Variants in DRG2 observed in about 807,000 individuals in gnomAD.
The protein encoded by DRG2 is developmentally-regulated GTP-binding protein 2.
A neutral mutation model predicts 53.4 loss-of-function variants in DRG2; 36 were observed. The ratio of observed to expected loss-of-function variants is 0.67; its 90% CI spans 0.52 to 0.89. The LOEUF (loss-of-function observed/expected upper bound fraction) is 0.89, where lower values mean the gene tolerates loss of function less well. Ranked by LOEUF, DRG2 falls within the 40% of genes least tolerant of loss-of-function variation. DRG2 has a pLI of 0.00. For missense variants in DRG2, 342 were observed against 481.2 expected (o/e 0.71, Z 2.71); for synonymous variants, 167 against 192.1 (o/e 0.87, Z 1.08).
intron 1 of DRG2, among the ~76,000 whole-genome samples, chr17:18,091,290 A>G (rs535932411): frequency 4.6e-5 from 7 of 152,284 alleles, no homozygotes; most frequent in South Asian, 2.1e-4. Flanking sequence ...ACCATCAAAA[A>G]TCTGCTGAAG....
intron 12 of DRG2, 149 bp downstream of exon 12, chr17:18,106,635 T>A: frequency 1.2e-6 from 1 of 856,380 alleles, no homozygotes; most frequent in Non-Finnish European, 1.9e-6. Flanking sequence ...CCATAGAATG[T>A]ACATGCCAAC....
chr17:18,107,291 G>T lies in DRG2; in HGVS notation c.*51G>T, dbSNP rs1296362097. The T allele has an allele frequency of 1.3e-6, 2 of 1,562,692 alleles. No individual in the cohort carries two copies. Among genetic ancestry groups the T allele is most frequent in the African/African-American group, 2.7e-5 (2 of 73,892 alleles). ...CCTGCCTCGTCTCCCTGGGGAGGTG[G>T]TCCCACTGGGACACACAAACACCCA... is the stretch of plus-strand genomic sequence containing the variant. On this transcript the variant is annotated 3_prime_UTR_variant, in exon 13 of 13. Coordinates refer to ENST00000225729, the MANE Select transcript of DRG2 (RefSeq NM_001388.5).
Position 18,101,608 on chromosome 17 carries a change from G to C in DRG2, c.729+18G>C. Reference sequence around the variant, plus strand: ...GCCTGTATGTAAGTGCAGGAGGGGAGCCCTGGCCTGGCCACTCGGCCTTTC... The same window carrying C: ...GCCTGTATGTAAGTGCAGGAGGGGACCCCTGGCCTGGCCACTCGGCCTTTC... On this transcript the variant is annotated intron_variant, in intron 8 of 12. Coordinates refer to ENST00000225729, the MANE Select transcript of DRG2 (RefSeq NM_001388.5). 1.2e-6 allele frequency: 2 copies of C among 1,611,344 alleles called. No homozygotes were observed. Among genetic ancestry groups the C allele is most frequent in the Non-Finnish European group, 1.7e-6 (2 of 1,178,018 alleles).
chr17:18,091,492 A>C (rs756565088), intron 1 of DRG2, among the ~76,000 whole-genome samples: 3 of 152,128 alleles, frequency 2.0e-5, no homozygotes, highest in Non-Finnish European at 2.9e-5. Flanking sequence ...AGGCGGAGGC[A>C]GGAGAATCTC....
At chr17:18,102,078 G>C in intron 9 of DRG2, 81 bp downstream of exon 9, 3 of 1,456,216 alleles carry the variant, frequency 2.1e-6, no homozygotes, top group Non-Finnish European at 2.8e-6. Context: ...AGCCACTTTG[G>C]CTGTGGAGGA....
In DRG2 at chr17:18,100,129, A is replaced by T; in HGVS notation, c.468-234A>T. 1.7e-6 allele frequency: 1 copy of T among 598,876 alleles called. No individual in the cohort carries two copies. Among genetic ancestry groups the T allele is most frequent in the Non-Finnish European group, 3.0e-6 (1 of 337,262 alleles). 37.1% of individuals were successfully genotyped at this position (598,876 alleles called of 1,614,324 possible). A position where few individuals can be genotyped will look rare whatever the true frequency, so the allele number is the denominator to read the frequency against. ...GTGGTCACCTCGCGGGGGCTCCACC[A>T]CTTGCCTGTGCATGCCGACCGTAAA... is the stretch of plus-strand genomic sequence containing the variant. On this transcript the variant is annotated intron_variant, in intron 5 of 12. Transcript: ENST00000225729. The surrounding 1 kb of genome is among the most constrained non-coding windows in gnomAD (Gnocchi z 4.1).
Position 18,107,420 on chromosome 17 carries a change from G to C in DRG2, c.*180G>C, listed in dbSNP as rs947062760. On this transcript the variant is annotated 3_prime_UTR_variant, in exon 13 of 13. Transcript: ENST00000225729. ...CAGACGAAGAGTGTGTTGGGGCAAAGGGGCTCGGTTGGAGGCATTTCCCAT... is the reference window on the plus strand; with the variant it reads ...CAGACGAAGAGTGTGTTGGGGCAAACGGGCTCGGTTGGAGGCATTTCCCAT... The C allele has an allele frequency of 6.2e-6, 4 of 644,760 alleles. No homozygotes were observed. The East Asian group carries it at 1.1e-4, about 18-fold the overall frequency. The allele number at this position is 644,760 out of a possible 1,614,324, so 39.9% of individuals were successfully genotyped here.
Position 18,099,659 on chromosome 17 carries a change from G to T in DRG2, c.403G>T (p.Ala135Ser), listed in dbSNP as rs144963179. 1.5e-4 allele frequency: 234 copies of T among 1,607,140 alleles called. No individual in the cohort carries two copies. Among genetic ancestry groups the T allele is most frequent in the Non-Finnish European group, 1.8e-4 (209 of 1,177,720 alleles). Residue 135 changes from alanine (A) to serine (S), a missense_variant, in exon 5 of 13, where the codon GCT (alanine) becomes TCT (serine). Coordinates refer to ENST00000225729, the MANE Select transcript of DRG2 (RefSeq NM_001388.5). The surrounding 1 kb of genome is among the most constrained non-coding windows in gnomAD (Gnocchi z 4.4). ...QGKGRGRQVI[A>S]VARTADVIIM... Reference sequence around the variant, plus strand: ...AAAAGGCCGTGGCCGGCAGGTGATCGCTGTGGCGCGCACGGCTGACGTCAT... The same window carrying T: ...AAAAGGCCGTGGCCGGCAGGTGATCTCTGTGGCGCGCACGGCTGACGTCAT...
chr17:18,101,125 C>A (rs1208422553), intron 7 of DRG2, among the ~76,000 whole-genome samples: 1 of 152,118 alleles, frequency 6.6e-6, no homozygotes, highest in African/African-American at 2.4e-5. Flanking sequence ...GGTGTGCAAG[C>A]AGAGGCAGGA....
intron 1 of DRG2, among the ~76,000 whole-genome samples, 184 bp from the exon 2 acceptor site, chr17:18,093,629 A>AT (rs1276225701): frequency 6.6e-6 from 1 of 151,868 alleles, no homozygotes; most frequent in Non-Finnish European, 1.5e-5. Flanking sequence ...AAGAGACTGG[A>AT]TTTTATCTTA....
In DRG2 at chr17:18,098,513, G is replaced by A. The variant is rs1299260486; in HGVS notation, c.315+154G>A. On this transcript the variant is annotated intron_variant, in intron 3 of 12. Transcript: ENST00000225729. The surrounding 1 kb of genome is among the most constrained non-coding windows in gnomAD (Gnocchi z 4.1). Reference sequence around the variant, plus strand: ...TTTGCCCTCCAGCACTGACACTTCTGGGGATCCTAGCTGCTGGACCCCAGA... The same window carrying A: ...TTTGCCCTCCAGCACTGACACTTCTAGGGATCCTAGCTGCTGGACCCCAGA... 1.5e-6 allele frequency: 1 copy of A among 647,994 alleles called. No individual in the cohort carries two copies. The highest frequency in any genetic ancestry group is 1.8e-5 in the African/African-American group (1 of 55,186). The allele number at this position is 647,994 out of a possible 1,614,324, so 40.1% of individuals were successfully genotyped here.
intron 8 of DRG2, 152 bp downstream of exon 8, chr17:18,101,742 A>G (rs1441993490): frequency 9.2e-7 from 1 of 1,083,296 alleles, no homozygotes; most frequent in Non-Finnish European, 1.3e-6. Flanking sequence ...TCTTGCAGAC[A>G]TAGAGAGCTT....
intron 8 of DRG2, 26 bp from the exon 9 acceptor site, chr17:18,101,895 A>G: frequency 1.2e-6 from 2 of 1,600,992 alleles, no homozygotes; most frequent in Non-Finnish European, 1.7e-6. Context: ...TGTCCTCAGC[A>G]CCGGCCTCCA....
intron 12 of DRG2, among the ~76,000 whole-genome samples, 198 bp downstream of exon 12, chr17:18,106,684 C>T (rs892268606): frequency 1.6e-4 from 19 of 121,934 alleles, no homozygotes; most frequent in East Asian, 4.9e-4. Flanking sequence ...TTTTTTTTTT[C>T]TGGTTTTTTT....
At chr17:18,094,568 C>A (rs528078613) in intron 2 of DRG2, among the ~76,000 whole-genome samples, 1 of 152,216 alleles carries the variant, frequency 6.6e-6, no homozygotes, top group East Asian at 1.9e-4. Context: ...TCCAGGGAGG[C>A]CCAGGTGGCT....
chr17:18,098,873 A>G lies in DRG2; in HGVS notation c.316-144A>G, dbSNP rs1301442610. 18 of 853,870 alleles carry G rather than the reference A, an allele frequency of 2.1e-5. No individual in the cohort carries two copies. The highest frequency in any genetic ancestry group is 2.9e-5 in the Non-Finnish European group (16 of 549,746). The allele number at this position is 853,870 out of a possible 1,614,324, so 52.9% of individuals were successfully genotyped here. On this transcript the variant is annotated intron_variant, in intron 3 of 12. Coordinates refer to ENST00000225729, the MANE Select transcript of DRG2 (RefSeq NM_001388.5). The surrounding 1 kb of genome is among the most constrained non-coding windows in gnomAD (Gnocchi z 4.1). ...GTCTGCACTGGGCTGGGGTGGTGAC[A>G]AGGCTCAGACTTGGCCACAGGTTGG...
At chr17:18,095,852 TA>T (rs1298217515) in intron 2 of DRG2, 1 of 152,282 alleles carries the variant, frequency 6.6e-6, no homozygotes, top group African/African-American at 2.4e-5. Flanking sequence ...AGTCTGGCTT[TA>T]TGCAGATTTC....
intron 1 of DRG2, 116 bp from the exon 2 acceptor site, chr17:18,093,697 G>A (rs1458240696): frequency 8.4e-7 from 1 of 1,187,840 alleles, no homozygotes; most frequent in African/African-American, 1.6e-5. Flanking sequence ...TTTTTCTCCT[G>A]ATCTCCTTGA....
At chr17:18,096,879 A>C (rs928012683) in intron 2 of DRG2, 3 of 152,208 alleles carry the variant, frequency 2.0e-5, no homozygotes, top group Non-Finnish European at 4.4e-5. Context: ...GGCACAGGGG[A>C]TGGTGGTTAA....
Sources: gnomAD v4.1 joint callset for allele counts (sites outside exome capture counted in the v4.1 genomes callset) on GRCh38, gnomAD v4.1.1 for gene constraint, Gnocchi (gnomAD v3.1) non-coding constraint, MANE v1.5 for transcripts, NCBI Gene and HGNC (gene_info 2026-07-23, HGNC 2026-07-21) for gene names.